The following DCAF8L2 variants were observed in gnomAD, a reference collection of about 807,000 sequenced individuals.
DCAF8L2 encodes DDB1- and CUL4-associated factor 8-like protein 2.
For missense variants in DCAF8L2, 430 were observed against 490.7 expected, an observed-to-expected ratio of 0.88 and a Z score of 1.17; for synonymous variants, 200 against 190.9, an observed-to-expected ratio of 1.05 and a Z score of -0.39.
chrX:27,479,075 T>C, the DCAF8L2 span, among the ~76,000 whole-genome samples: 1 of 111,573 alleles, frequency 9.0e-6, no homozygotes, highest in East Asian at 2.8e-4. Context: ...TCTCTCTCTA[T>C]GTTTCTCTGT....
the DCAF8L2 span, among the ~76,000 whole-genome samples, chrX:27,569,876 T>C: frequency 2.7e-5 from 3 of 111,629 alleles, no homozygotes; most frequent in African/African-American, 9.8e-5. Flanking sequence ...GTTAAATGTG[T>C]TATGTATAAG....
At chrX:27,734,125 C>T (rs1473085236) in intron 4 of DCAF8L2, among the ~76,000 whole-genome samples, 1 of 111,284 alleles carries the variant, frequency 9.0e-6, no homozygotes, top group Non-Finnish European at 1.9e-5. Context: ...AGATCCCATA[C>T]GAGGAAAAGA....
chrX:27,684,732 G>A (rs1177342616), intron 3 of DCAF8L2, among the ~76,000 whole-genome samples: 2 of 111,298 alleles, frequency 1.8e-5, no homozygotes, highest in Non-Finnish European at 1.9e-5. Flanking sequence ...TCTTTGATGT[G>A]AACTAAATAT....
At chrX:27,493,213 C>T in the DCAF8L2 span, among the ~76,000 whole-genome samples, 4 of 111,087 alleles carry the variant, frequency 3.6e-5, no homozygotes, top group Non-Finnish European at 5.7e-5. Context: ...TGCAATCCAG[C>T]CTGGGTGACA....
chrX:27,518,786 A>G, the DCAF8L2 span: 1 of 386,264 alleles, frequency 2.6e-6, no homozygotes. Flanking sequence ...AATAAAAATA[A>G]AAAGGGAACT....
At chrX:27,608,264 A>G (rs926767827) in intron 1 of DCAF8L2, among the ~76,000 whole-genome samples, 3 of 111,749 alleles carry the variant, frequency 2.7e-5, no homozygotes, top group Non-Finnish European at 1.9e-5. Context: ...CACTGCTGAA[A>G]ATGTTTTAAA....
chrX:27,622,025 T>TAAAAAAAAAAAAAAA (rs1569163104), intron 1 of DCAF8L2, among the ~76,000 whole-genome samples: 1 of 108,948 alleles, frequency 9.2e-6, no homozygotes, highest in African/African-American at 3.4e-5. Flanking sequence ...AAGATGTTAG[T>TAAAAAAAAAAAAAAA]AAGAATATAT....
chrX:27,690,989 T>C, intron 3 of DCAF8L2, among the ~76,000 whole-genome samples: 2 of 111,848 alleles, frequency 1.8e-5, no homozygotes, highest in Admixed American at 1.9e-4. Flanking sequence ...AAATAAGCAT[T>C]TTTTAAAATG....
At chrX:27,556,422 T>G in the DCAF8L2 span, among the ~76,000 whole-genome samples, 4 of 111,593 alleles carry the variant, frequency 3.6e-5, no homozygotes, top group African/African-American at 1.3e-4. Context: ...ATAATAGTGT[T>G]AAATGATTGA....
chrX:27,696,335 A>G (rs1217226029), intron 3 of DCAF8L2, among the ~76,000 whole-genome samples: 1 of 36,543 alleles, frequency 2.7e-5, no homozygotes, highest in Non-Finnish European at 5.2e-5. Flanking sequence ...AGAAAGAAAA[A>G]GAAAGAAAGA....
At chrX:27,709,340 CT>C (rs750734258) in intron 3 of DCAF8L2, among the ~76,000 whole-genome samples, 1 of 112,692 alleles carries the variant, frequency 8.9e-6, no homozygotes, top group South Asian at 3.6e-4. Flanking sequence ...TGTTGTAACA[CT>C]TTTTTTATAA....
At chrX:27,585,805 T>A (rs1256445914), upstream of DCAF8L2, among the ~76,000 whole-genome samples, 1 of 111,649 alleles carries the variant, frequency 9.0e-6, no homozygotes, top group Non-Finnish European at 1.9e-5. Context: ...TAAATGGTCC[T>A]TGTGGTTCTT....
chrX:27,747,853 C>G lies in DCAF8L2; in HGVS notation c.958C>G (p.Pro320Ala). 1 of 1,210,156 alleles carries G rather than the reference C, an allele frequency of 8.3e-7. No homozygotes were observed. Among genetic ancestry groups the G allele is most frequent in the Non-Finnish European group, 1.1e-6 (1 of 894,415 alleles). ...TAAGTGTGTGGCCCAGCACAGGGGA[C>G]CTGCCCACAAGTTGGCTCTGGAGCC... The part of the protein sequence containing the change: ...NTKCVAQHRG[P>A]AHKLALEPDS... Residue 320 changes from proline to alanine, a missense_variant, in exon 5 of 5, where the codon CCT (proline) becomes GCT (alanine). By Grantham distance (27) the Pro-to-Ala change is conservative (BLOSUM62 -1). Transcript: ENST00000451261.
At chrX:27,643,225 C>A (rs763079278) in intron 2 of DCAF8L2, among the ~76,000 whole-genome samples, 2 of 112,085 alleles carry the variant, frequency 1.8e-5, no homozygotes, top group Admixed American at 9.5e-5. Context: ...CTCTCAACAC[C>A]CTAGCCAACA....
At chrX:27,558,336 A>G in the DCAF8L2 span, among the ~76,000 whole-genome samples, 2 of 111,627 alleles carry the variant, frequency 1.8e-5, no homozygotes, top group Non-Finnish European at 3.8e-5. Flanking sequence ...ATTGTACTTT[A>G]TAAGTCAATG....
At chrX:27,507,100 G>A in the DCAF8L2 span, among the ~76,000 whole-genome samples, 2 of 111,253 alleles carry the variant, frequency 1.8e-5, no homozygotes, top group Non-Finnish European at 3.8e-5. Context: ...TTTCTGTAAC[G>A]TAATTGTCTA....
chrX:27,538,985 A>G, the DCAF8L2 span, among the ~76,000 whole-genome samples: 1 of 112,118 alleles, frequency 8.9e-6, no homozygotes, highest in Non-Finnish European at 1.9e-5. Context: ...AAGTATACCA[A>G]TACTGATCAA....
At chrX:27,532,726 ATATTTATT>A in the DCAF8L2 span, among the ~76,000 whole-genome samples, 5,327 of 85,484 alleles carry the variant, frequency 0.062, 285 homozygotes, top group African/African-American at 0.15. Context: ...AGTGAGACCC[ATATTTATT>A]TATTTATTTA....
the DCAF8L2 span, among the ~76,000 whole-genome samples, chrX:27,490,957 T>C: frequency 8.9e-6 from 1 of 111,826 alleles, no homozygotes; most frequent in Non-Finnish European, 1.9e-5. Context: ...CCAGGCTATA[T>C]AAAGATTACC....
Sources: allele counts gnomAD v4.1 joint callset (sites outside exome capture counted in the v4.1 genomes callset), GRCh38; gene constraint gnomAD v4.1.1; transcripts MANE v1.5; gene names NCBI Gene and HGNC (gene_info 2026-07-23, HGNC 2026-07-21).